The following UPF2 variants were observed in gnomAD, a reference collection of about 807,000 sequenced individuals.
The protein encoded by UPF2 is UPF2 regulator of nonsense mediated mRNA decay.
A neutral mutation model predicts 141.4 loss-of-function variants in UPF2; 17 were observed. The ratio of observed to expected loss-of-function variants is 0.12; its 90% CI spans 0.08 to 0.18. The LOEUF is 0.18. UPF2 is among the 10% of genes least tolerant of loss of function. The pLI is 1.00. For synonymous variants in UPF2, 540 were observed against 498.0 expected (o/e 1.08, Z -1.12); for missense variants, 1,152 against 1,515.9 (o/e 0.76, Z 3.99).
chr10:12,002,785 G>T (rs1363730138), intron 5 of UPF2, among the ~76,000 whole-genome samples: 2 of 152,084 alleles, frequency 1.3e-5, no homozygotes, highest in African/African-American at 4.8e-5. Context: ...AATAACTGAA[G>T]TTGAGTGATA....
At chr10:11,967,553 T>TG in intron 9 of UPF2, 99 bp from the exon 10 acceptor site, 1 of 736,994 alleles carries the variant, frequency 1.4e-6, no homozygotes, top group South Asian at 2.0e-5. Context: ...CCAGTTTTTT[T>TG]TTTTTTTTTT....
chr10:11,936,364 C>CA lies in UPF2; in HGVS notation c.3546+180dup, dbSNP rs574346623. Among the ~76,000 whole-genome samples the CA allele has an allele frequency of 5.4e-4, 81 of 148,630 alleles. No homozygotes were observed. The South Asian group carries it at 0.014, about 26-fold the overall frequency. On this transcript the variant is annotated intron_variant, in intron 19 of 21. Coordinates refer to ENST00000357604, the MANE Select transcript of UPF2 (RefSeq NM_015542.4). The surrounding 1 kb of genome is among the most constrained non-coding windows in gnomAD (Gnocchi z 6.6). ...TGGGCGACAAAGTGAGACGCCGTCT[C>CA]AAAAAAAACAAAAACAAAAACAAAA... is the stretch of plus-strand genomic sequence containing the variant.
chr10:11,987,412 T>C (rs1390295360), intron 8 of UPF2, among the ~76,000 whole-genome samples: 3 of 152,104 alleles, frequency 2.0e-5, no homozygotes, highest in Admixed American at 6.5e-5. Context: ...ACCTATAAAA[T>C]AAAATGCAAA....
At chr10:11,972,063 CAA>C (rs58355538) in intron 9 of UPF2, among the ~76,000 whole-genome samples, 21,191 of 100,654 alleles carry the variant, frequency 0.21, 1,706 homozygotes, top group South Asian at 0.3. Context: ...GACTCTGTCT[CAA>C]AAAAAAAAAA....
At chr10:11,948,827 A>C (rs907699814) in intron 15 of UPF2, among the ~76,000 whole-genome samples, 12 of 152,244 alleles carry the variant, frequency 7.9e-5, no homozygotes, top group Non-Finnish European at 1.6e-4. Context: ...GGTAGAAAAC[A>C]GTAACAGATG....
intron 16 of UPF2, 93 bp downstream of exon 16, chr10:11,948,276 A>C: frequency 3.8e-5 from 28 of 735,026 alleles, no homozygotes; most frequent in Non-Finnish European, 5.1e-5. Flanking sequence ...AAAAACCAGG[A>C]GGAGGTCTTA....
At chr10:11,994,548 G>A (rs1179887830) in intron 8 of UPF2, among the ~76,000 whole-genome samples, 1 of 152,140 alleles carries the variant, frequency 6.6e-6, no homozygotes, top group Non-Finnish European at 1.5e-5. Context: ...TTCTACTTCT[G>A]GATTTTGAGC....
rs58106776 is a variant in UPF2, at chr10:11,938,853, G to GTTTTTTTTTTTTTTTTTTTTT, written c.3379-2162_3379-2142dup. ...GTGGTCTTAAGCAAGTTTTTTTTTT[G>GTTTTTTTTTTTTTTTTTTTTT]TTTTTTTTTTTTTTTTTTTTTTTTT... On this transcript the variant is annotated intron_variant, in intron 18 of 21. Transcript: ENST00000357604. 1.8e-3 allele frequency among the ~76,000 whole-genome samples: 145 copies of GTTTTTTTTTTTTTTTTTTTTT among 79,828 alleles called. 35 individuals carry two copies. The highest frequency in any genetic ancestry group is 2.8e-3 in the East Asian group (8 of 2,812). 52.4% of individuals were successfully genotyped at this position (79,828 alleles called of 152,430 possible). A position where few individuals can be genotyped will look rare whatever the true frequency, so the allele number is the denominator to read the frequency against.
At chr10:11,986,127 G>T (rs934661741) in intron 8 of UPF2, among the ~76,000 whole-genome samples, 2 of 151,262 alleles carry the variant, frequency 1.3e-5, no homozygotes, top group Non-Finnish European at 1.5e-5. Context: ...CTTGTGATCC[G>T]CCCGCCTCAG....
intron 8 of UPF2, among the ~76,000 whole-genome samples, chr10:11,996,550 G>A (rs1833867732): frequency 6.6e-6 from 1 of 152,094 alleles, no homozygotes; most frequent in East Asian, 1.9e-4. Flanking sequence ...CACCATGTTG[G>A]TCAGGCTGGT....
At chr10:12,013,180 C>A (rs1264691870) in intron 4 of UPF2, among the ~76,000 whole-genome samples, 1 of 151,326 alleles carries the variant, frequency 6.6e-6, no homozygotes, top group Non-Finnish European at 1.5e-5. Flanking sequence ...ACAATAAATG[C>A]ATTCACAGTA....
At chr10:11,963,349 T>C (rs1156864382) in intron 11 of UPF2, among the ~76,000 whole-genome samples, 1 of 152,128 alleles carries the variant, frequency 6.6e-6, no homozygotes, top group Admixed American at 6.6e-5. Context: ...CATTCATTCA[T>C]TCATTCGAGA....
At chr10:12,010,316 T>C (rs1250970290) in intron 4 of UPF2, among the ~76,000 whole-genome samples, 2 of 152,106 alleles carry the variant, frequency 1.3e-5, no homozygotes, top group African/African-American at 4.8e-5. Flanking sequence ...AACTCGGAAA[T>C]CACACAGATG....
chr10:11,987,741 G>C (rs1231519587), intron 8 of UPF2, among the ~76,000 whole-genome samples: 8 of 113,260 alleles, frequency 7.1e-5, no homozygotes, highest in East Asian at 2.9e-4. Context: ...CAGCCTGGGC[G>C]ATAGAGCAAG....
chr10:12,028,459 T>A (rs918428787), intron 3 of UPF2, among the ~76,000 whole-genome samples: 3 of 152,198 alleles, frequency 2.0e-5, no homozygotes, highest in African/African-American at 7.2e-5. Context: ...TTTTACCCCT[T>A]GATTATTAAG....
chr10:11,973,699 G>A (rs1833457555), intron 9 of UPF2, among the ~76,000 whole-genome samples: 1 of 152,102 alleles, frequency 6.6e-6, no homozygotes, highest in African/African-American at 2.4e-5. Flanking sequence ...GGTTGTAGAT[G>A]TGTGGTATTA....
chr10:12,007,640 C>T (rs1459036994), intron 4 of UPF2, among the ~76,000 whole-genome samples: 4 of 151,850 alleles, frequency 2.6e-5, no homozygotes, highest in African/African-American at 9.7e-5. Context: ...ACTATCCTAG[C>T]TAACACAGTG....
intron 6 of UPF2, among the ~76,000 whole-genome samples, chr10:12,001,025 A>G (rs1712425928): frequency 6.6e-6 from 1 of 152,230 alleles, no homozygotes; most frequent in Admixed American, 6.5e-5. Flanking sequence ...AGATTATGTC[A>G]TAGAATTAAA....
At position 12,038,378 on chromosome 10, in the gene UPF2, TCACACACACACACA is replaced by T. The variant is rs200544672; in HGVS notation, c.-18-2951_-18-2938del. On this transcript the variant is annotated intron_variant, in intron 1 of 21. Transcript: ENST00000357604. ...ATGGGCGACAGAGTGAGACTCCATC[TCACACACACACACA>T]CACACACACACACACACACACACAC... Among the ~76,000 whole-genome samples, 103 of 135,934 alleles carry T rather than the reference TCACACACACACACA, an allele frequency of 7.6e-4. No homozygotes were observed. The South Asian group carries it at 0.019, about 25-fold the overall frequency. The allele number at this position is 135,934 out of a possible 152,430, so 89.2% of individuals were successfully genotyped here.
Sources: allele counts gnomAD v4.1 joint callset (sites outside exome capture counted in the v4.1 genomes callset), GRCh38; gene constraint gnomAD v4.1.1; non-coding constraint Gnocchi (gnomAD v3.1); transcripts MANE v1.5; gene names NCBI Gene and HGNC (gene_info 2026-07-23, HGNC 2026-07-21).